VPS50: variants seen among roughly 807,000 people sequenced by gnomAD.
VPS50 encodes the protein VPS50 subunit of EARP/GARPII complex, also known as syndetin.
Under a neutral mutation model 139.7 loss-of-function variants are expected in VPS50, and 70 were observed. The observed-to-expected ratio is 0.50, with a 90% CI of 0.41 to 0.61. The LOEUF (loss-of-function observed/expected upper bound fraction) is 0.61. Ranked by LOEUF, VPS50 falls within the 20% of genes least tolerant of loss-of-function variation. VPS50 has a pLI of 0.00. For missense variants in VPS50, 921 were observed against 1,133.7 expected, an observed-to-expected ratio of 0.81 and a Z score of 2.69; for synonymous variants, 365 against 376.7, an observed-to-expected ratio of 0.97 and a Z score of 0.36.
At chr7:93,326,960 C>T (rs1306984652) in intron 21 of VPS50, among the ~76,000 whole-genome samples, 1 of 152,102 alleles carries the variant, frequency 6.6e-6, no homozygotes, top group Non-Finnish European at 1.5e-5. Context: ...TGACCAGTGA[C>T]AAAATGTTGC....
At chr7:93,331,408 C>T (rs188691295) in intron 21 of VPS50, among the ~76,000 whole-genome samples, 4 of 151,960 alleles carry the variant, frequency 2.6e-5, no homozygotes, top group African/African-American at 7.3e-5. Flanking sequence ...ACTGGCCTAA[C>T]GGTAGATAAG....
At chr7:93,345,271 T>A (rs1798357004) in intron 23 of VPS50, among the ~76,000 whole-genome samples, 1 of 152,122 alleles carries the variant, frequency 6.6e-6, no homozygotes, top group Admixed American at 6.5e-5. Flanking sequence ...CTCCCAAGAC[T>A]AAACCAGGAA....
At chr7:93,252,799 T>C (rs763320783) in intron 3 of VPS50, 24 bp downstream of exon 3, 12 of 1,558,708 alleles carry the variant, frequency 7.7e-6, no homozygotes, top group African/African-American at 1.4e-5. Flanking sequence ...CATTAAAACA[T>C]AACTAAGGCC....
chr7:93,360,604 GA>G lies in VPS50; in HGVS notation c.*2172del, dbSNP rs1798810025. ...AACTAATTTTCAGATAAATACAATTGAAAAGCTGAGAATGTAAATGGAATTA... is the reference window on the plus strand; with the variant it reads ...AACTAATTTTCAGATAAATACAATTGAAAGCTGAGAATGTAAATGGAATTA... On this transcript the variant is annotated 3_prime_UTR_variant, in exon 28 of 28. Transcript: ENST00000305866. 1 of 151,808 alleles carries G rather than the reference GA, an allele frequency of 6.6e-6. No individual in the cohort carries two copies. The allele number at this position is 151,808 out of a possible 1,614,324, so 9.4% of individuals were successfully genotyped here. A position where few individuals can be genotyped will look rare whatever the true frequency, so the allele number is the denominator to read the frequency against.
At chr7:93,291,918 G>A in intron 13 of VPS50, 83 bp downstream of exon 13, 2 of 922,552 alleles carry the variant, frequency 2.2e-6, no homozygotes, top group Middle Eastern at 3.2e-4. Flanking sequence ...GAAAGGGGCA[G>A]GAATGCCTTT....
chr7:93,294,469 G>A (rs1168252346), intron 13 of VPS50, 76 bp from the exon 14 acceptor site: 12 of 1,258,764 alleles, frequency 9.5e-6, no homozygotes, highest in Non-Finnish European at 1.2e-5. Context: ...ATGTGTGAGA[G>A]GCCAAATAGA....
At chr7:93,238,349 C>T (rs1262537759) in intron 1 of VPS50, among the ~76,000 whole-genome samples, 1 of 151,542 alleles carries the variant, frequency 6.6e-6, no homozygotes, top group Admixed American at 6.6e-5. Flanking sequence ...CAGTCAATTA[C>T]ATGTTCCCAT....
rs1246665349 is a variant in VPS50, at chr7:93,316,266, C to T, written c.1855+4994C>T. Among the ~76,000 whole-genome samples, 6 of 152,148 alleles carry T rather than the reference C, an allele frequency of 3.9e-5. No homozygotes were observed. The South Asian group carries it at 8.3e-4, about 21-fold the overall frequency. Reference sequence around the variant, plus strand: ...GAGGAGATGTGACGAGAAAGATGGGCAAGAACAGGATATGAGAAGGCCTCA... The same window carrying T: ...GAGGAGATGTGACGAGAAAGATGGGTAAGAACAGGATATGAGAAGGCCTCA... On this transcript the variant is annotated intron_variant, in intron 20 of 27. Coordinates refer to ENST00000305866, the MANE Select transcript of VPS50 (RefSeq NM_017667.4).
At chr7:93,254,301 G>T (rs570256495) in intron 4 of VPS50, among the ~76,000 whole-genome samples, 1 of 152,296 alleles carries the variant, frequency 6.6e-6, no homozygotes, top group East Asian at 1.9e-4. Flanking sequence ...ACAGGGTCTT[G>T]CTCTGTTGCC....
chr7:93,260,042 C>T (rs1167453105), intron 9 of VPS50, among the ~76,000 whole-genome samples: 1 of 152,080 alleles, frequency 6.6e-6, no homozygotes, highest in Non-Finnish European at 1.5e-5. Flanking sequence ...GTGTTTGGCT[C>T]ATCATGATAA....
chr7:93,247,540 G>A (rs767264047), intron 2 of VPS50, among the ~76,000 whole-genome samples: 10 of 151,872 alleles, frequency 6.6e-5, no homozygotes, highest in Non-Finnish European at 1.2e-4. Flanking sequence ...TTTTCCAAAT[G>A]CCACCACTTC....
chr7:93,337,119 C>T (rs567082737), intron 22 of VPS50, among the ~76,000 whole-genome samples: 6 of 152,272 alleles, frequency 3.9e-5, no homozygotes, highest in Admixed American at 3.3e-4. Flanking sequence ...TCTCTTCAAG[C>T]GTATTTTCCT....
chr7:93,258,685 C>T (rs1012597561), intron 8 of VPS50, among the ~76,000 whole-genome samples: 2 of 151,988 alleles, frequency 1.3e-5, no homozygotes, highest in South Asian at 2.1e-4. Flanking sequence ...ACATCTTTTT[C>T]ATCTAACATA....
intron 4 of VPS50, among the ~76,000 whole-genome samples, chr7:93,255,702 A>G (rs1795464805): frequency 6.6e-6 from 1 of 152,246 alleles, no homozygotes; most frequent in Non-Finnish European, 1.5e-5. Flanking sequence ...AAATTAATGT[A>G]CGTAATTTCA....
chr7:93,348,860 C>CAGATTATTT, intron 24 of VPS50, 53 bp downstream of exon 24: 2 of 1,204,976 alleles, frequency 1.7e-6, no homozygotes. Context: ...AGGACTGTCA[C>CAGATTATTT]AGATTATTTA....
At chr7:93,318,747 C>G (rs1440410791) in intron 20 of VPS50, among the ~76,000 whole-genome samples, 3 of 152,080 alleles carry the variant, frequency 2.0e-5, no homozygotes, top group Non-Finnish European at 4.4e-5. Flanking sequence ...TCTCTCTTGT[C>G]ATATCCACAA....
intron 23 of VPS50, among the ~76,000 whole-genome samples, 154 bp from the exon 24 acceptor site, chr7:93,348,557 G>A (rs1798468859): frequency 6.6e-6 from 1 of 152,112 alleles, no homozygotes; most frequent in Non-Finnish European, 1.5e-5. Context: ...AAATGAACAT[G>A]TCAAGTGGTA....
At chr7:93,252,847 C>A in intron 3 of VPS50, 72 bp downstream of exon 3, 1 of 1,216,524 alleles carries the variant, frequency 8.2e-7, no homozygotes, top group Non-Finnish European at 1.1e-6. Context: ...GATTTGAATA[C>A]TTTTTTGAGG....
chr7:93,269,616 G>T (rs1025859627), intron 9 of VPS50, among the ~76,000 whole-genome samples: 2 of 152,008 alleles, frequency 1.3e-5, no homozygotes, highest in Non-Finnish European at 2.9e-5. Context: ...TGCTATCTAT[G>T]TCTATCTATA....
Sources: allele counts gnomAD v4.1 joint callset (sites outside exome capture counted in the v4.1 genomes callset), GRCh38; gene constraint gnomAD v4.1.1; transcripts MANE v1.5; gene names NCBI Gene and HGNC (gene_info 2026-07-23, HGNC 2026-07-21).